Variants in HNF1B observed in about 807,000 individuals in gnomAD.
HNF1B encodes HNF1 homeobox B.
A neutral mutation model predicts 61.7 loss-of-function variants in HNF1B; 8 were observed. That is an observed-to-expected ratio of 0.13 (90% CI 0.08 to 0.23). HNF1B has a LOEUF of 0.23. HNF1B is among the 10% of genes least tolerant of loss of function. The pLI is 1.00. For missense variants in HNF1B, 562 were observed against 714.5 expected (o/e 0.79, Z 2.43); for synonymous variants, 314 against 287.7 (o/e 1.09, Z -0.93).
intron 2 of HNF1B, among the ~76,000 whole-genome samples, chr17:37,737,201 C>G (rs1302913077): frequency 6.6e-6 from 1 of 152,152 alleles, no homozygotes; most frequent in Non-Finnish European, 1.5e-5. Context: ...CTCTTACTTC[C>G]TAATTCTTAT....
At chr17:37,729,957 T>C (rs80083006) in intron 4 of HNF1B, 1 of 101,046 alleles carries the variant, frequency 9.9e-6, no homozygotes, top group African/African-American at 5.2e-5. Flanking sequence ...ACACAGGCTG[T>C]GTTTTCTGCC....
intron 6 of HNF1B, among the ~76,000 whole-genome samples, chr17:37,703,732 A>G (rs1182032714): frequency 6.6e-6 from 1 of 152,134 alleles, no homozygotes; most frequent in Non-Finnish European, 1.5e-5. Flanking sequence ...AAATCAATGC[A>G]CTGTGTGTCA....
intron 4 of HNF1B, among the ~76,000 whole-genome samples, chr17:37,723,175 T>TA (rs549820938): frequency 0.06 from 8,420 of 141,210 alleles, 716 homozygotes; most frequent in African/African-American, 0.2. Context: ...CCGTCTCTAC[T>TA]AAAAAAAAAA....
intron 6 of HNF1B, among the ~76,000 whole-genome samples, chr17:37,702,502 C>T (rs1482327769): frequency 6.6e-6 from 1 of 152,186 alleles, no homozygotes; most frequent in Non-Finnish European, 1.5e-5. Flanking sequence ...GCCAGCATCT[C>T]ACCAGATACC....
chr17:37,718,006 C>T (rs2033180804), intron 4 of HNF1B, among the ~76,000 whole-genome samples: 2 of 152,022 alleles, frequency 1.3e-5, no homozygotes, highest in Non-Finnish European at 2.9e-5. Flanking sequence ...TAGTTAGGAG[C>T]TCAATTCATA....
chr17:37,740,125 C>A (rs1407017081), intron 1 of HNF1B, among the ~76,000 whole-genome samples: 2 of 152,086 alleles, frequency 1.3e-5, no homozygotes, highest in African/African-American at 4.8e-5. Context: ...CCCAGCACCA[C>A]ACCCAGCTAA....
Position 37,744,990 on chromosome 17 carries a change from C to T in HNF1B, c.-106G>A, listed in dbSNP as rs2034133249. 4 of 971,934 alleles carry T rather than the reference C, an allele frequency of 4.1e-6. No individual in the cohort carries two copies. In the South Asian group the frequency reaches 6.2e-5, roughly 15 times the overall value. 60.2% of individuals were successfully genotyped at this position (971,934 alleles called of 1,614,324 possible). A position where few individuals can be genotyped will look rare whatever the true frequency, so the allele number is the denominator to read the frequency against. On this transcript the variant is annotated 5_prime_UTR_variant, in exon 1 of 9. Transcript: ENST00000617811. ...CCCCAAATCCAGGAACCCCTCCACC[C>T]TTCAGCCTCCAGACACCTGTTACTC... is the stretch of plus-strand genomic sequence containing the variant.
In HNF1B at chr17:37,744,775, G is replaced by A. The variant is rs1242776529; in HGVS notation, c.110C>T (p.Pro37Leu). Residue 37 changes from proline (P) to leucine (L), a missense_variant, in exon 1 of 9, where the codon CCG (proline) becomes CTG (leucine). Pro to Leu is a moderately conservative substitution (Grantham distance 98). This residue lies in a region of HNF1B where 148 missense variants were observed against 147.3 expected (regional missense o/e 1.00). Coordinates refer to ENST00000617811, the MANE Select transcript of HNF1B (RefSeq NM_000458.4). ...VQALEELLPS[P>L]NFGVKLETLP... ...CGTCTCCAGCTTCACCCCGAAGTTC[G>A]GGGATGGCAGCAACTCCTCCAAGGC... 1 of 1,613,604 alleles carries A rather than the reference G, an allele frequency of 6.2e-7. No individual in the cohort carries two copies. Among genetic ancestry groups the A allele is most frequent in the South Asian group, 1.1e-5 (1 of 91,082 alleles).
At chr17:37,723,820 G>A (rs1048622898) in intron 4 of HNF1B, among the ~76,000 whole-genome samples, 4 of 152,222 alleles carry the variant, frequency 2.6e-5, no homozygotes, top group African/African-American at 9.7e-5. Context: ...AATCTGGTAT[G>A]TCTGGAGTGT....
chr17:37,700,921 G>A (rs1239325117), intron 7 of HNF1B, 62 bp downstream of exon 7: 3 of 1,457,480 alleles, frequency 2.1e-6, no homozygotes, highest in Non-Finnish European at 2.8e-6. Flanking sequence ...ACCCAGAGAG[G>A]GAAAGTGGTT....
chr17:37,724,173 A>G (rs1948237773), intron 4 of HNF1B, among the ~76,000 whole-genome samples: 1 of 152,200 alleles, frequency 6.6e-6, no homozygotes, highest in South Asian at 2.1e-4. Flanking sequence ...GAACTTGTTG[A>G]AAATGCAGAA....
intron 2 of HNF1B, among the ~76,000 whole-genome samples, chr17:37,737,151 C>T (rs534237245): frequency 1.3e-5 from 2 of 152,304 alleles, no homozygotes; most frequent in South Asian, 4.1e-4. Flanking sequence ...CCCTCTTCCT[C>T]CTTCTCCTCA....
intron 8 of HNF1B, among the ~76,000 whole-genome samples, chr17:37,694,467 A>G (rs3110630): frequency 0.14 from 16,968 of 118,956 alleles, 1,472 homozygotes; most frequent in Middle Eastern, 0.28. Context: ...AAAAAAAAAG[A>G]TACTTGAAGA....
intron 7 of HNF1B, among the ~76,000 whole-genome samples, chr17:37,699,512 C>T (rs530886285): frequency 1.3e-5 from 2 of 152,340 alleles, no homozygotes; most frequent in South Asian, 2.1e-4. Context: ...CCTTCTCATG[C>T]AGGGAGGCAG....
At chr17:37,731,259 T>G in intron 4 of HNF1B, 1 of 463,510 alleles carries the variant, frequency 2.2e-6, no homozygotes. Flanking sequence ...TGCCTGCGGT[T>G]TGGATCTGGC....
chr17:37,711,827 G>C (rs572533428), intron 4 of HNF1B, among the ~76,000 whole-genome samples: 52 of 152,306 alleles, frequency 3.4e-4, no homozygotes, highest in African/African-American at 1.2e-3. Flanking sequence ...AGTTTCCCAA[G>C]ATGAACCATC....
intron 4 of HNF1B, among the ~76,000 whole-genome samples, chr17:37,711,600 C>T (rs1264268777): frequency 6.6e-6 from 1 of 152,208 alleles, no homozygotes; most frequent in East Asian, 1.9e-4. Context: ...GATGGAAATC[C>T]TGCTTGATGT....
At chr17:37,736,034 T>C (rs923670490) in intron 2 of HNF1B, among the ~76,000 whole-genome samples, 2 of 152,294 alleles carry the variant, frequency 1.3e-5, no homozygotes, top group Non-Finnish European at 2.9e-5. Context: ...TCCCAAAGCA[T>C]TGGGGTTACA....
intron 5 of HNF1B, 143 bp downstream of exon 5, chr17:37,710,360 C>T: frequency 9.1e-7 from 1 of 1,099,440 alleles, no homozygotes. Context: ...AGCACTACCT[C>T]TCCTTTCCGA....
Sources: allele counts gnomAD v4.1 joint callset (sites outside exome capture counted in the v4.1 genomes callset), GRCh38; gene constraint gnomAD v4.1.1; regional missense constraint gnomAD v4.1.1; transcripts MANE v1.5; gene names NCBI Gene and HGNC (gene_info 2026-07-23, HGNC 2026-07-21).